Variants in MAP2K5 observed in about 807,000 individuals in gnomAD.
The protein encoded by MAP2K5 is dual specificity mitogen-activated protein kinase kinase 5.
MAP2K5 carries 49 observed loss-of-function variants against 83.1 expected under a neutral mutation model. The ratio of observed to expected loss-of-function variants is 0.59; its 90% CI spans 0.47 to 0.75. The LOEUF (loss-of-function observed/expected upper bound fraction) is 0.75, where lower values mean the gene tolerates loss of function less well. Among genes scored for constraint, MAP2K5 ranks in the 30% least tolerant of loss-of-function variants. The probability of loss-of-function intolerance (pLI) is 0.00; values close to 1 mark genes in which losing one functional copy is unlikely to be tolerated. For missense variants in MAP2K5, 457 were observed against 557.5 expected (o/e 0.82, Z 1.82); for synonymous variants, 202 against 191.8 (o/e 1.05, Z -0.44).
intron 21 of MAP2K5, among the ~76,000 whole-genome samples, chr15:67,788,012 T>C (rs2090448041): frequency 6.6e-6 from 1 of 152,248 alleles, no homozygotes; most frequent in African/African-American, 2.4e-5. Flanking sequence ...GTAAACTTTG[T>C]TGGCACAGCA....
At chr15:67,574,458 G>A (rs531772937) in intron 3 of MAP2K5, among the ~76,000 whole-genome samples, 1 of 152,108 alleles carries the variant, frequency 6.6e-6, no homozygotes, top group Non-Finnish European at 1.5e-5. Context: ...TGTAGTATCA[G>A]CTACTCGGGA....
chr15:67,779,289 T>C lies in MAP2K5; in HGVS notation c.1242+6537T>C, dbSNP rs571619593. Among the ~76,000 whole-genome samples the C allele has an allele frequency of 9.2e-5, 14 of 152,286 alleles. No homozygotes were observed. The highest frequency in any genetic ancestry group is 5.2e-4 in the Admixed American group (8 of 15,304). ...AAAGAGGAACCCACTAGTAAAGAAG[T>C]TGATTTTAGCTTTTTAATTGCATAT... On this transcript the variant is annotated intron_variant, in intron 21 of 21. Transcript: ENST00000178640. This position sits in a 1 kb window ranked among gnomAD's most constrained non-coding sequence, Gnocchi z 4.6.
chr15:67,634,356 A>G (rs2086542833), intron 9 of MAP2K5, among the ~76,000 whole-genome samples: 1 of 120,074 alleles, frequency 8.3e-6, no homozygotes, highest in Non-Finnish European at 1.6e-5. Flanking sequence ...TGACAGAGTA[A>G]GACCTCATCT....
chr15:67,665,086 T>C lies in MAP2K5; in HGVS notation c.847+441T>C, dbSNP rs59750205. 2.0e-5 allele frequency among the ~76,000 whole-genome samples: 3 copies of C among 152,320 alleles called. No homozygotes were observed. Among genetic ancestry groups the C allele is most frequent in the African/African-American group, 7.2e-5 (3 of 41,576 alleles). On this transcript the variant is annotated intron_variant, in intron 13 of 21. Transcript: ENST00000178640. The surrounding 1 kb of genome is among the most constrained non-coding windows in gnomAD (Gnocchi z 4.2). ...TTTTAAAGATGGGGTCTTGCTCTGT[T>C]GGCCAGGTTGTTGTTAAACCCCTAG...
intron 8 of MAP2K5, among the ~76,000 whole-genome samples, chr15:67,621,366 C>A (rs1596663473): frequency 2.4e-5 from 3 of 122,488 alleles, no homozygotes; most frequent in Non-Finnish European, 3.4e-5. Flanking sequence ...TCAAGAAAAT[C>A]AAGAAGGTGG....
At chr15:67,553,869 C>A (rs958658910) in intron 2 of MAP2K5, among the ~76,000 whole-genome samples, 1 of 134,896 alleles carries the variant, frequency 7.4e-6, no homozygotes, top group Non-Finnish European at 1.5e-5. Flanking sequence ...GCCGAGATTG[C>A]GCCACTGCAG....
rs1369580235 is a variant in MAP2K5 at position 67,777,571 on chromosome 15, C to A, written c.1242+4819C>A. 6.6e-6 allele frequency among the ~76,000 whole-genome samples: 1 copy of A among 152,160 alleles called. No homozygotes were observed. Among genetic ancestry groups the A allele is most frequent in the Non-Finnish European group, 1.5e-5 (1 of 68,036 alleles). On this transcript the variant is annotated intron_variant, in intron 21 of 21. Coordinates refer to ENST00000178640, the MANE Select transcript of MAP2K5 (RefSeq NM_145160.3). The surrounding 1 kb of genome is among the most constrained non-coding windows in gnomAD (Gnocchi z 6.0). ...ATCACATACATATTAAAAACATATA[C>A]CCATTCTATCTGTATGTAAATGCGT...
rs1434105244 is a variant in MAP2K5 at position 67,781,853 on chromosome 15, A to T, written c.1242+9101A>T. 6.6e-6 allele frequency among the ~76,000 whole-genome samples: 1 copy of T among 152,154 alleles called. No individual in the cohort carries two copies. Among genetic ancestry groups the T allele is most frequent in the Non-Finnish European group, 1.5e-5 (1 of 68,020 alleles). On this transcript the variant is annotated intron_variant, in intron 21 of 21. Coordinates refer to ENST00000178640, the MANE Select transcript of MAP2K5 (RefSeq NM_145160.3). This position sits in a 1 kb window ranked among gnomAD's most constrained non-coding sequence, Gnocchi z 4.0. ...GGAGGGGGATTCAATTAATAGCAGG[A>T]CTTTCTAATTGTGGGATTGGTGTGG...
rs1221656466 is a variant in MAP2K5 at position 67,803,911 on chromosome 15, TCCC to T, written c.1243-2734_1243-2732del. On this transcript the variant is annotated intron_variant, in intron 21 of 21. Coordinates refer to ENST00000178640, the MANE Select transcript of MAP2K5 (RefSeq NM_145160.3). ...TTTGGGTTACAGACTTGTGGTTCAG[TCCC>T]ATGTCTGGGAGCTCAGGCAGGTCAG... is the stretch of plus-strand genomic sequence containing the variant. Among the ~76,000 whole-genome samples, 8 of 152,276 alleles carry T rather than the reference TCCC, an allele frequency of 5.3e-5. No homozygotes were observed. In the East Asian group the frequency reaches 1.4e-3, roughly 26 times the overall value.
In MAP2K5 at chr15:67,636,603, G is replaced by A. The variant is rs1348169645; in HGVS notation, c.585+5676G>A. On this transcript the variant is annotated intron_variant, in intron 9 of 21. Transcript: ENST00000178640. This position sits in a 1 kb window ranked among gnomAD's most constrained non-coding sequence, Gnocchi z 4.7. ...AAAGCAAGTTTATTAAGAAAGTAAAGGAATAAGAGAATAGCTACTCTGCTT... is the reference window on the plus strand; with the variant it reads ...AAAGCAAGTTTATTAAGAAAGTAAAAGAATAAGAGAATAGCTACTCTGCTT... 6.6e-6 allele frequency among the ~76,000 whole-genome samples: 1 copy of A among 151,792 alleles called. No individual in the cohort carries two copies. Among genetic ancestry groups the A allele is most frequent in the Non-Finnish European group, 1.5e-5 (1 of 67,966 alleles).
chr15:67,664,265 A>C (rs2087313097), intron 12 of MAP2K5, among the ~76,000 whole-genome samples: 1 of 146,010 alleles, frequency 6.8e-6, no homozygotes, highest in Non-Finnish European at 1.5e-5. Flanking sequence ...AGGCTGAGGC[A>C]GGAGGATCAC....
At position 67,638,583 on chromosome 15, in the gene MAP2K5, T is replaced by A. The variant is rs112220979; in HGVS notation, c.586-7648T>A. 4.3e-3 allele frequency among the ~76,000 whole-genome samples: 651 copies of A among 152,372 alleles called. 6 individuals carry two copies. The highest frequency in any genetic ancestry group is 0.014 in the African/African-American group (586 of 41,584). ...AATGCTTTATATTCATTTGGGTATA[T>A]ACCCAGTAATGGGATTGCTGGGTCA... On this transcript the variant is annotated intron_variant, in intron 9 of 21. Transcript: ENST00000178640. This position sits in a 1 kb window ranked among gnomAD's most constrained non-coding sequence, Gnocchi z 4.5.
intron 7 of MAP2K5, among the ~76,000 whole-genome samples, chr15:67,600,141 T>C (rs536605281): frequency 6.6e-6 from 1 of 152,218 alleles, no homozygotes; most frequent in African/African-American, 2.4e-5. Flanking sequence ...TCTGCCTAAT[T>C]ATTGCTGTAT....
chr15:67,572,227 C>T lies in MAP2K5; in HGVS notation c.253-8527C>T, dbSNP rs1415569436. 6.6e-6 allele frequency among the ~76,000 whole-genome samples: 1 copy of T among 152,096 alleles called. No individual in the cohort carries two copies. The highest frequency in any genetic ancestry group is 6.5e-5 in the Admixed American group (1 of 15,270). ...GAGTCAGTAGGAGCTGCCTGTGATT[C>T]AGTCTGTATGGACAGTGACGGGGGA... On this transcript the variant is annotated intron_variant, in intron 3 of 21. Coordinates refer to ENST00000178640, the MANE Select transcript of MAP2K5 (RefSeq NM_145160.3). This position sits in a 1 kb window ranked among gnomAD's most constrained non-coding sequence, Gnocchi z 4.2.
Position 67,690,739 on chromosome 15 carries a change from G to A in MAP2K5, c.848-1740G>A, listed in dbSNP as rs1005970608. Among the ~76,000 whole-genome samples, 1 of 151,992 alleles carries A rather than the reference G, an allele frequency of 6.6e-6. No individual in the cohort carries two copies. The highest frequency in any genetic ancestry group is 2.4e-5 in the African/African-American group (1 of 41,362). ...AGTAGAGATGAGGTTTTGCCATGTT[G>A]GCCAGGCTGGTCTTGAACTCCTGAC... On this transcript the variant is annotated intron_variant, in intron 13 of 21. Transcript: ENST00000178640. The surrounding 1 kb of genome is among the most constrained non-coding windows in gnomAD (Gnocchi z 4.3).
intron 17 of MAP2K5, among the ~76,000 whole-genome samples, chr15:67,739,833 A>G (rs1952835489): frequency 6.6e-6 from 1 of 152,164 alleles, no homozygotes. Context: ...ATTGGCTGCA[A>G]TACAACTGAT....
At position 67,755,003 on chromosome 15, in the gene MAP2K5, G is replaced by A. The variant is rs73427948; in HGVS notation, c.1134+6402G>A. ...GATTGATTGATTGAGATGGAGTCTT[G>A]CTCTGTTTGCCCAGGCTAGAGTGTG... On this transcript the variant is annotated intron_variant, in intron 19 of 21. Coordinates refer to ENST00000178640, the MANE Select transcript of MAP2K5 (RefSeq NM_145160.3). The surrounding 1 kb of genome is among the most constrained non-coding windows in gnomAD (Gnocchi z 4.7). Among the ~76,000 whole-genome samples the A allele has an allele frequency of 0.13, 19,706 of 152,132 alleles. 1,362 individuals are homozygous for A. Among genetic ancestry groups the A allele is most frequent in the South Asian group, 0.16 (789 of 4,816 alleles).
At chr15:67,707,697 G>T (rs1045536452) in intron 16 of MAP2K5, among the ~76,000 whole-genome samples, 1 of 152,254 alleles carries the variant, frequency 6.6e-6, no homozygotes, top group African/African-American at 2.4e-5. Context: ...AAGGGGGTGG[G>T]GTTTCACACA....
intron 3 of MAP2K5, among the ~76,000 whole-genome samples, chr15:67,568,731 G>A (rs2084891044): frequency 1.3e-5 from 2 of 152,052 alleles, no homozygotes; most frequent in South Asian, 2.1e-4. Context: ...TGTTGGCTGG[G>A]CGCGGTGGCT....
Sources: gnomAD v4.1 joint callset for allele counts (sites outside exome capture counted in the v4.1 genomes callset) on GRCh38, gnomAD v4.1.1 for gene constraint, Gnocchi (gnomAD v3.1) non-coding constraint, MANE v1.5 for transcripts, NCBI Gene and HGNC (gene_info 2026-07-23, HGNC 2026-07-21) for gene names.